KCNMB2: variants seen among roughly 807,000 people sequenced by gnomAD.
The protein encoded by KCNMB2 is calcium-activated potassium channel subunit beta-2.
A neutral mutation model predicts 24.5 loss-of-function variants in KCNMB2; 9 were observed. The observed-to-expected ratio is 0.37, with a 90% CI of 0.22 to 0.64. The LOEUF is 0.64. KCNMB2 is among the 30% of genes least tolerant of loss of function. The pLI is 0.63. For synonymous variants in KCNMB2, 109 were observed against 104.4 expected, an observed-to-expected ratio of 1.04 and a Z score of -0.27; for missense variants, 226 against 284.3, an observed-to-expected ratio of 0.79 and a Z score of 1.47.
At chr3:178,702,744 A>C (rs1157697358) in intron 1 of KCNMB2, among the ~76,000 whole-genome samples, 3 of 152,216 alleles carry the variant, frequency 2.0e-5, no homozygotes, top group Non-Finnish European at 4.4e-5. Flanking sequence ...ACCGAGTCTG[A>C]GACCATCACT....
chr3:178,774,607 G>A (rs910413208), intron 1 of KCNMB2, among the ~76,000 whole-genome samples: 1 of 152,268 alleles, frequency 6.6e-6, no homozygotes, highest in South Asian at 2.1e-4. Flanking sequence ...TTCCTGGCCA[G>A]ATCTGTGTAA....
At chr3:178,569,153 T>G (rs1716677117) in intron 1 of KCNMB2, among the ~76,000 whole-genome samples, 1 of 152,138 alleles carries the variant, frequency 6.6e-6, no homozygotes, top group Admixed American at 6.6e-5. Context: ...TCCCCATGTA[T>G]TAGGAATAAA....
chr3:178,784,263 T>C (rs1028977628), intron 1 of KCNMB2, among the ~76,000 whole-genome samples: 4 of 152,194 alleles, frequency 2.6e-5, no homozygotes. Flanking sequence ...TGGAGGTAGC[T>C]ATTACAACCT....
chr3:178,606,580 T>A (rs1560128011), intron 1 of KCNMB2, among the ~76,000 whole-genome samples: 1 of 152,182 alleles, frequency 6.6e-6, no homozygotes, highest in East Asian at 1.9e-4. Context: ...GGAGAGCAAT[T>A]TGTCTCTGGA....
intron 1 of KCNMB2, among the ~76,000 whole-genome samples, chr3:178,574,675 T>C (rs1716927434): frequency 1.3e-5 from 2 of 152,156 alleles, no homozygotes; most frequent in Admixed American, 6.6e-5. Flanking sequence ...AGGGTGGAAG[T>C]GTTGTGTGGT....
intron 1 of KCNMB2, among the ~76,000 whole-genome samples, chr3:178,573,235 C>T (rs1716868966): frequency 6.6e-6 from 1 of 152,082 alleles, no homozygotes; most frequent in African/African-American, 2.4e-5. Context: ...TCTCGAATTC[C>T]TGACCTCAGG....
chr3:178,842,607 A>G, intron 4 of KCNMB2, 46 bp from the exon 5 acceptor site: 2 of 1,337,256 alleles, frequency 1.5e-6, no homozygotes, highest in Non-Finnish European at 2.1e-6. Context: ...TAGAGTCTCA[A>G]ACACACATAG....
At chr3:178,739,656 TG>T (rs1448522086) in intron 1 of KCNMB2, among the ~76,000 whole-genome samples, 2 of 152,090 alleles carry the variant, frequency 1.3e-5, no homozygotes, top group Admixed American at 6.6e-5. Context: ...CCAAATCCTT[TG>T]GAAAACAGTG....
intron 1 of KCNMB2, among the ~76,000 whole-genome samples, chr3:178,744,376 G>C (rs1723592401): frequency 6.6e-6 from 1 of 152,188 alleles, no homozygotes; most frequent in Non-Finnish European, 1.5e-5. Context: ...ATGTAGACTA[G>C]TGCATGAGGA....
chr3:178,613,784 T>C (rs1411062457), intron 1 of KCNMB2, among the ~76,000 whole-genome samples: 1 of 152,176 alleles, frequency 6.6e-6, no homozygotes, highest in Non-Finnish European at 1.5e-5. Context: ...GTTTGATTAT[T>C]AAATGCCTTG....
At chr3:178,750,713 T>C (rs1723816107) in intron 1 of KCNMB2, among the ~76,000 whole-genome samples, 1 of 152,244 alleles carries the variant, frequency 6.6e-6, no homozygotes, top group Non-Finnish European at 1.5e-5. Flanking sequence ...AGTCCTGATT[T>C]GGCACTGCTT....
At chr3:178,836,918 T>C (rs976814101) in intron 4 of KCNMB2, among the ~76,000 whole-genome samples, 1 of 152,288 alleles carries the variant, frequency 6.6e-6, no homozygotes, top group Non-Finnish European at 1.5e-5. Flanking sequence ...GCATTCTATG[T>C]ATTCAAAACC....
At chr3:178,677,272 T>A (rs1370686164) in intron 1 of KCNMB2, among the ~76,000 whole-genome samples, 1 of 152,136 alleles carries the variant, frequency 6.6e-6, no homozygotes, top group Non-Finnish European at 1.5e-5. Context: ...CCTCTACATA[T>A]TTATATCTCT....
intron 1 of KCNMB2, among the ~76,000 whole-genome samples, chr3:178,656,484 G>C (rs1343952437): frequency 6.6e-6 from 1 of 152,108 alleles, no homozygotes; most frequent in Non-Finnish European, 1.5e-5. Flanking sequence ...AAGAAATGCT[G>C]TGCTCAGGCT....
intron 1 of KCNMB2, among the ~76,000 whole-genome samples, chr3:178,568,730 G>A (rs1366070743): frequency 6.6e-6 from 1 of 151,716 alleles, no homozygotes; most frequent in Non-Finnish European, 1.5e-5. Context: ...AATGTGTAGA[G>A]AAATCTTTAA....
At chr3:178,837,836 G>A (rs1715288504) in intron 4 of KCNMB2, among the ~76,000 whole-genome samples, 1 of 151,868 alleles carries the variant, frequency 6.6e-6, no homozygotes, top group African/African-American at 2.4e-5. Flanking sequence ...CTTACCTAGT[G>A]ACAGAATTAT....
At chr3:178,669,612 G>A (rs1720833108) in intron 1 of KCNMB2, among the ~76,000 whole-genome samples, 1 of 151,982 alleles carries the variant, frequency 6.6e-6, no homozygotes, top group East Asian at 1.9e-4. Flanking sequence ...ATAATTCAAA[G>A]GTGAATAAGA....
chr3:178,759,551 G>A (rs1488089478), intron 1 of KCNMB2, among the ~76,000 whole-genome samples: 1 of 108,266 alleles, frequency 9.2e-6, no homozygotes, highest in Non-Finnish European at 1.9e-5. Context: ...CTCTCCAAGA[G>A]GATATATATA....
intron 1 of KCNMB2, among the ~76,000 whole-genome samples, chr3:178,563,045 A>C (rs983653740): frequency 6.6e-6 from 1 of 152,228 alleles, no homozygotes; most frequent in Non-Finnish European, 1.5e-5. Context: ...TTCAAAGGAG[A>C]GTGGTCAGGA....
Sources: allele counts gnomAD v4.1 joint callset (sites outside exome capture counted in the v4.1 genomes callset), GRCh38; gene constraint gnomAD v4.1.1; transcripts MANE v1.5; gene names NCBI Gene and HGNC (gene_info 2026-07-23, HGNC 2026-07-21).